The following PCDHA12 variants were observed in gnomAD, a reference collection of about 807,000 sequenced individuals.
The protein encoded by PCDHA12 is protocadherin alpha-12.
A neutral mutation model predicts 60.0 loss-of-function variants in PCDHA12; 44 were observed. That is an observed-to-expected ratio of 0.73 (90% CI 0.58 to 0.94). The LOEUF is 0.94. Among genes scored for constraint, PCDHA12 ranks in the 40% least tolerant of loss-of-function variants. The probability of loss-of-function intolerance (pLI) is 0.00; values close to 1 mark genes in which losing one functional copy is unlikely to be tolerated. For missense variants in PCDHA12, 1,276 were observed against 1,239.7 expected (o/e 1.03, Z -0.44); for synonymous variants, 569 against 553.0 (o/e 1.03, Z -0.40).
In PCDHA12 at chr5:140,875,882, A is replaced by G. The variant is rs2055902382; in HGVS notation, c.410A>G (p.Glu137Gly). 6.2e-7 allele frequency: 1 copy of G among 1,614,158 alleles called. No individual in the cohort carries two copies. The highest frequency in any genetic ancestry group is 8.5e-7 in the Non-Finnish European group (1 of 1,180,016). The change falls in exon 1 of 4, where the codon GAA becomes GGA. Residue 137 changes from glutamate (E) to glycine (G), a missense_variant. Physicochemically the swap from Glu to Gly is moderately conservative, Grantham distance 98. Coordinates refer to ENST00000398631, the MANE Select transcript of PCDHA12 (RefSeq NM_018903.4). ...NDNPPVFRER[E>G]QKVPVSESAP... ...AACCCGCCGGTGTTCAGAGAAAGGG[A>G]ACAAAAGGTACCTGTTTCTGAATCT...
rs552604909 is a variant in PCDHA12, at chr5:141,005,474, C to T, written c.2516-4153C>T. ...ATCCCAGCACTTTGGGAGGCCGAGACGGGCGGATCATGAGGTCAGGAGATC... is the reference window on the plus strand; with the variant it reads ...ATCCCAGCACTTTGGGAGGCCGAGATGGGCGGATCATGAGGTCAGGAGATC... On this transcript the variant is annotated intron_variant, in intron 3 of 3. Coordinates refer to ENST00000398631, the MANE Select transcript of PCDHA12 (RefSeq NM_018903.4). 1.6e-3 allele frequency among the ~76,000 whole-genome samples: 236 copies of T among 151,848 alleles called. 1 individual carries two copies. The highest frequency in any genetic ancestry group is 4.9e-3 in the African/African-American group (204 of 41,424).
At position 140,982,295 on chromosome 5, in the gene PCDHA12, G is replaced by A. The variant is rs1047633434; in HGVS notation, c.2427-180G>A. ...AGTATAGCAGGCAATAAGTAAGTCA[G>A]CAATGCTTCTGCAGTTTATGCAGGG... On this transcript the variant is annotated intron_variant, in intron 2 of 3. Coordinates refer to ENST00000398631, the MANE Select transcript of PCDHA12 (RefSeq NM_018903.4). The A allele has an allele frequency of 3.4e-6, 4 of 1,160,172 alleles. No homozygotes were observed. In the Admixed American group the frequency reaches 8.4e-5, roughly 25 times the overall value. 71.9% of individuals were successfully genotyped at this position (1,160,172 alleles called of 1,614,324 possible).
chr5:140,918,991 G>A (rs1453656237), intron 1 of PCDHA12, among the ~76,000 whole-genome samples: 2 of 152,184 alleles, frequency 1.3e-5, no homozygotes, highest in African/African-American at 4.8e-5. Flanking sequence ...GGTTTTTAGT[G>A]TTGTTCACAT....
intron 1 of PCDHA12, among the ~76,000 whole-genome samples, chr5:140,920,075 G>T (rs190821804): frequency 6.6e-6 from 1 of 152,316 alleles, no homozygotes; most frequent in Admixed American, 6.5e-5. Flanking sequence ...GGCAGAAACA[G>T]ATTCTCCGTA....
chr5:140,928,148 A>G (rs1228039818), intron 1 of PCDHA12: 1 of 1,614,054 alleles, frequency 6.2e-7, no homozygotes, highest in African/African-American at 1.3e-5. Context: ...ACGGCCTCAG[A>G]TAGTGGCTCA....
chr5:140,940,096 T>C (rs2153644801), intron 1 of PCDHA12, among the ~76,000 whole-genome samples: 1 of 152,378 alleles, frequency 6.6e-6, no homozygotes, highest in East Asian at 1.9e-4. Context: ...ATTGAAACTT[T>C]TAGCGTTATG....
chr5:140,928,122 A>G (rs1554205517), intron 1 of PCDHA12: 14 of 1,614,078 alleles, frequency 8.7e-6, no homozygotes, highest in Non-Finnish European at 1.2e-5. Context: ...AGATCAGTGA[A>G]TACCAAGTCC....
At chr5:140,904,116 T>C (rs1233566335) in intron 1 of PCDHA12, among the ~76,000 whole-genome samples, 3 of 152,180 alleles carry the variant, frequency 2.0e-5, no homozygotes, top group African/African-American at 7.2e-5. Context: ...TTGCTGAGAT[T>C]TTGGTGCACC....
chr5:140,875,848 A>T lies in PCDHA12; in HGVS notation c.376A>T (p.Ile126Phe). 2 of 1,614,188 alleles carry T rather than the reference A, an allele frequency of 1.2e-6. No individual in the cohort carries two copies. The highest frequency in any genetic ancestry group is 2.2e-5 in the East Asian group (1 of 44,888). Residue 126 changes from isoleucine to phenylalanine, a missense_variant, in exon 1 of 4, where the codon ATT becomes TTT. By Grantham distance (21) the Ile-to-Phe change is conservative. Transcript: ENST00000398631. ...CCATGTGGACGTGGAGGTGAAGGACATTAACGACAACCCGCCGGTGTTCAG... is the reference window on the plus strand; with the variant it reads ...CCATGTGGACGTGGAGGTGAAGGACTTTAACGACAACCCGCCGGTGTTCAG... ...VFHVDVEVKD[I>F]NDNPPVFRER...
intron 1 of PCDHA12, 119 bp from the exon 2 acceptor site, chr5:140,978,830 C>T: frequency 6.5e-7 from 1 of 1,535,340 alleles, no homozygotes; most frequent in Non-Finnish European, 8.8e-7. Context: ...TGAAATGGCT[C>T]ATTCAATACT....
At chr5:141,006,634 A>G (rs1324728437) in intron 3 of PCDHA12, among the ~76,000 whole-genome samples, 4 of 152,220 alleles carry the variant, frequency 2.6e-5, no homozygotes, top group Non-Finnish European at 5.9e-5. Flanking sequence ...GCTGCAATTC[A>G]TATAAGAGAT....
chr5:140,876,258 C>G lies in PCDHA12; in HGVS notation c.786C>G (p.Ile262Met), dbSNP rs782047443. ...ATGTCCAAAACGACACAAGAGTGAT[C>G]CAACTAAATGCTTCCGATCCAGACG... ...SENVQNDTRV[I>M]QLNASDPDEG... Residue 262 changes from isoleucine to methionine, a missense_variant, in exon 1 of 4, where the codon ATC (isoleucine) becomes ATG (methionine). Ile to Met is a conservative substitution (Grantham distance 10, BLOSUM62 1). Coordinates refer to ENST00000398631, the MANE Select transcript of PCDHA12 (RefSeq NM_018903.4). 4 of 1,613,968 alleles carry G rather than the reference C, an allele frequency of 2.5e-6. No homozygotes were observed. The East Asian group carries it at 8.9e-5, about 36-fold the overall frequency.
chr5:141,001,943 A>G (rs1197227753), intron 3 of PCDHA12, among the ~76,000 whole-genome samples: 1 of 147,256 alleles, frequency 6.8e-6, no homozygotes, highest in African/African-American at 2.7e-5. Flanking sequence ...GAGCGGAAAT[A>G]AGGAGGAGGG....
intron 1 of PCDHA12, among the ~76,000 whole-genome samples, chr5:140,915,582 G>A (rs991142864): frequency 2.6e-5 from 4 of 152,056 alleles, no homozygotes; most frequent in South Asian, 4.1e-4. Flanking sequence ...CCAGGCAAAA[G>A]CACTTGTTCT....
chr5:140,886,827 GAAA>G (rs782016620), intron 1 of PCDHA12, among the ~76,000 whole-genome samples: 1 of 60,882 alleles, frequency 1.6e-5, no homozygotes. Flanking sequence ...ACTTCGTCTT[GAAA>G]AAAAAAAAAA....
intron 1 of PCDHA12, among the ~76,000 whole-genome samples, chr5:140,947,906 A>G (rs2153681662): frequency 6.6e-6 from 1 of 151,710 alleles, no homozygotes; most frequent in South Asian, 2.1e-4. Flanking sequence ...GTGAGAGCAG[A>G]CATTCTTGCC....
At chr5:141,000,415 ATATATATTTTTTTT>A (rs2097922429) in intron 3 of PCDHA12, among the ~76,000 whole-genome samples, 2 of 87,398 alleles carry the variant, frequency 2.3e-5, no homozygotes, top group Non-Finnish European at 4.3e-5. Flanking sequence ...ATATATATAT[ATATATATTTTTTTT>A]TTTTTTTTTT....
chr5:140,963,196 G>GA (rs199602110), intron 1 of PCDHA12, among the ~76,000 whole-genome samples: 256 of 147,602 alleles, frequency 1.7e-3, no homozygotes, highest in African/African-American at 4.3e-3. Flanking sequence ...CTGTGAAAAT[G>GA]AAAAAAAAAA....
At chr5:140,993,727 T>C (rs1482867785) in intron 3 of PCDHA12, among the ~76,000 whole-genome samples, 1 of 152,220 alleles carries the variant, frequency 6.6e-6, no homozygotes, top group Non-Finnish European at 1.5e-5. Context: ...ACCTTTTCTA[T>C]GTTTAGATAC....
Sources: gnomAD v4.1 joint callset for allele counts (sites outside exome capture counted in the v4.1 genomes callset) on GRCh38, gnomAD v4.1.1 for gene constraint, MANE v1.5 for transcripts, NCBI Gene and HGNC (gene_info 2026-07-23, HGNC 2026-07-21) for gene names.